OSBPL11: variants seen among roughly 807,000 people sequenced by gnomAD.
OSBPL11 encodes the protein oxysterol binding protein like 11.
OSBPL11 carries 33 observed loss-of-function variants against 84.4 expected under a neutral mutation model. That is an observed-to-expected ratio of 0.39 (90% CI 0.30 to 0.52). The LOEUF is 0.52. Among genes scored for constraint, OSBPL11 ranks in the 20% least tolerant of loss-of-function variants. The pLI is 0.72. For missense variants in OSBPL11, 736 were observed against 901.1 expected (o/e 0.82, Z 2.35); for synonymous variants, 276 against 310.2 (o/e 0.89, Z 1.16).
chr3:125,541,942 C>G (rs1485771354), intron 10 of OSBPL11, among the ~76,000 whole-genome samples: 1 of 152,166 alleles, frequency 6.6e-6, no homozygotes, highest in East Asian at 1.9e-4. Context: ...CTAAAGGACT[C>G]AAAGTCCGGT....
At chr3:125,531,297 T>C (rs1231266584) in intron 12 of OSBPL11, among the ~76,000 whole-genome samples, 1 of 128,894 alleles carries the variant, frequency 7.8e-6, no homozygotes, top group African/African-American at 2.6e-5. Flanking sequence ...ATTTTTCTTT[T>C]TTTTTTTTTT....
chr3:125,593,012 GA>G (rs1936621811), intron 1 of OSBPL11, among the ~76,000 whole-genome samples: 1 of 152,158 alleles, frequency 6.6e-6, no homozygotes, highest in Non-Finnish European at 1.5e-5. Context: ...TAGACTTCAT[GA>G]AAATTAAAAA....
At chr3:125,549,123 G>A (rs577041014) in intron 9 of OSBPL11, among the ~76,000 whole-genome samples, 1 of 152,066 alleles carries the variant, frequency 6.6e-6, no homozygotes, top group African/African-American at 2.4e-5. Context: ...CCGGGTTCAA[G>A]CAATTCTCCT....
intron 10 of OSBPL11, among the ~76,000 whole-genome samples, chr3:125,542,671 G>C (rs1935749161): frequency 6.6e-6 from 1 of 152,008 alleles, no homozygotes; most frequent in Non-Finnish European, 1.5e-5. Flanking sequence ...ACTACACCCG[G>C]TTAATTTTTT....
chr3:125,530,632 G>A (rs1559832244), intron 12 of OSBPL11, 52 bp from the exon 13 acceptor site: 2 of 1,468,880 alleles, frequency 1.4e-6, no homozygotes, highest in Non-Finnish European at 1.9e-6. Flanking sequence ...ATCAAAATCA[G>A]TAACCAAAAC....
chr3:125,530,984 C>CTTTT (rs10663462), intron 12 of OSBPL11, among the ~76,000 whole-genome samples: 30 of 148,134 alleles, frequency 2.0e-4, no homozygotes, highest in African/African-American at 7.4e-4. Flanking sequence ...TTTTTCTTTC[C>CTTTT]TTTTTTTTTT....
intron 8 of OSBPL11, among the ~76,000 whole-genome samples, chr3:125,559,950 A>G (rs1232764847): frequency 6.6e-6 from 1 of 152,074 alleles, no homozygotes; most frequent in African/African-American, 2.4e-5. Context: ...AAAATCATAA[A>G]AAATAAAAAT....
chr3:125,592,202 C>A (rs886801783), intron 1 of OSBPL11, among the ~76,000 whole-genome samples: 4 of 152,032 alleles, frequency 2.6e-5, no homozygotes, highest in Admixed American at 6.6e-5. Context: ...CCATGCCTGG[C>A]TAATTTTTTA....
In OSBPL11 at chr3:125,595,401, T is replaced by G. The variant is rs879364818; in HGVS notation, c.-601A>C. ...TCTCCCAGGGCCAGAGGCGAGCCAC[T>G]CGGGACAACTTCCTCTTATGCCCCT... is the stretch of plus-strand genomic sequence containing the variant. On this transcript the variant is annotated 5_prime_UTR_variant, in exon 1 of 13. Coordinates refer to ENST00000296220, the MANE Select transcript of OSBPL11 (RefSeq NM_022776.5). Among the ~76,000 whole-genome samples, 54 of 152,202 alleles carry G rather than the reference T, an allele frequency of 3.5e-4. No individual in the cohort carries two copies. Among genetic ancestry groups the G allele is most frequent in the Admixed American group, 8.5e-4 (13 of 15,306 alleles).
In OSBPL11 at chr3:125,538,472, T is replaced by C. The variant is rs1935675694; in HGVS notation, c.2003A>G (p.Lys668Arg). 10 of 1,613,904 alleles carry C rather than the reference T, an allele frequency of 6.2e-6. No homozygotes were observed. Among genetic ancestry groups the C allele is most frequent in the Non-Finnish European group, 8.5e-6 (10 of 1,179,852 alleles). ...ATACCTGGATTCAAATGGATCCTGC[T>C]TCTCCAGAGGTCTCACTCTTTTCTT... is the stretch of plus-strand genomic sequence containing the variant. ...VTKKRVRPLEKQDPFESRRLW... is the reference protein window; with the variant it reads ...VTKKRVRPLERQDPFESRRLW... Residue 668 changes from lysine to arginine, a missense_variant, in exon 11 of 13, where the codon AAG becomes AGG. This residue lies in a region of OSBPL11 where 579 missense variants were observed against 717.6 expected (regional missense o/e 0.81). Transcript: ENST00000296220.
At chr3:125,578,853 G>T in intron 4 of OSBPL11, 107 bp downstream of exon 4, 1 of 575,454 alleles carries the variant, frequency 1.7e-6, no homozygotes, top group Non-Finnish European at 2.9e-6. Context: ...TACTTTAAAA[G>T]GGTGAATTTT....
intron 8 of OSBPL11, among the ~76,000 whole-genome samples, chr3:125,555,871 G>C (rs1935984184): frequency 6.6e-6 from 1 of 152,026 alleles, no homozygotes; most frequent in Admixed American, 6.6e-5. Context: ...TTTTAGTAGA[G>C]GGGATTTTGC....
intron 9 of OSBPL11, among the ~76,000 whole-genome samples, chr3:125,550,873 C>G (rs1935896176): frequency 6.6e-6 from 1 of 152,008 alleles, no homozygotes; most frequent in Non-Finnish European, 1.5e-5. Flanking sequence ...TGAATAGCAC[C>G]TCTGGCCTCC....
Position 125,528,980 on chromosome 3 carries a change from T to C in OSBPL11, c.*1535A>G, listed in dbSNP as rs972391060. 3.9e-5 allele frequency: 6 copies of C among 152,690 alleles called. No individual in the cohort carries two copies. The highest frequency in any genetic ancestry group is 1.4e-4 in the African/African-American group (6 of 41,474). The allele number at this position is 152,690 out of a possible 1,614,324, so 9.5% of individuals were successfully genotyped here. A position where few individuals can be genotyped will look rare whatever the true frequency, so the allele number is the denominator to read the frequency against. ...AACAAGGGAATCATTAAAATTGTTGTACACAAACCAACTCTTTTTCTTATA... is the reference window on the plus strand; with the variant it reads ...AACAAGGGAATCATTAAAATTGTTGCACACAAACCAACTCTTTTTCTTATA... On this transcript the variant is annotated 3_prime_UTR_variant, in exon 13 of 13. Transcript: ENST00000296220.
intron 11 of OSBPL11, among the ~76,000 whole-genome samples, chr3:125,537,636 T>C (rs1935661758): frequency 1.3e-5 from 2 of 152,232 alleles, no homozygotes; most frequent in Non-Finnish European, 1.5e-5. Flanking sequence ...GTTCTATTTA[T>C]GTGATCTTAA....
At chr3:125,554,326 T>C (rs1346015519) in intron 8 of OSBPL11, among the ~76,000 whole-genome samples, 1 of 152,230 alleles carries the variant, frequency 6.6e-6, no homozygotes, top group Non-Finnish European at 1.5e-5. Flanking sequence ...CATGCAGCCT[T>C]CTTCTCCTTT....
At chr3:125,532,570 T>G (rs1272385549) in intron 11 of OSBPL11, among the ~76,000 whole-genome samples, 1 of 126,816 alleles carries the variant, frequency 7.9e-6, no homozygotes, top group Non-Finnish European at 1.6e-5. Flanking sequence ...GCTTAACAAA[T>G]CTCAAGCAAA....
intron 5 of OSBPL11, among the ~76,000 whole-genome samples, chr3:125,569,613 C>T (rs1317625434): frequency 6.6e-6 from 1 of 152,084 alleles, no homozygotes; most frequent in East Asian, 1.9e-4. Context: ...AATTTATGAT[C>T]CAACAATTAC....
intron 11 of OSBPL11, among the ~76,000 whole-genome samples, chr3:125,534,979 C>CAAAAAAAAAA (rs1935619259): frequency 1.4e-5 from 1 of 72,762 alleles, no homozygotes; most frequent in African/African-American, 6.4e-5. Context: ...AAAAAAAAAG[C>CAAAAAAAAAA]AAATTATTTA....
Sources: gnomAD v4.1 joint callset for allele counts (sites outside exome capture counted in the v4.1 genomes callset) on GRCh38, gnomAD v4.1.1 for gene constraint, gnomAD v4.1.1 regional missense constraint, MANE v1.5 for transcripts, NCBI Gene and HGNC (gene_info 2026-07-23, HGNC 2026-07-21) for gene names.